Variants in TRPM2 observed in about 807,000 individuals in gnomAD.
The protein encoded by TRPM2 is transient receptor potential cation channel subfamily M member 2, also known as estrogen-responsive element-associated gene 1 protein.
TRPM2 carries 161 observed loss-of-function variants against 174.0 expected under a neutral mutation model. The observed-to-expected ratio is 0.93, with a 90% confidence interval of 0.81 to 1.05. TRPM2 has a LOEUF of 1.05. Among genes scored for constraint, TRPM2 ranks in the 50% least tolerant of loss-of-function variants. The pLI is 0.00. For missense variants in TRPM2, 2,057 were observed against 2,038.0 expected, an observed-to-expected ratio of 1.01 and a Z score of -0.18; for synonymous variants, 954 against 861.3, an observed-to-expected ratio of 1.11 and a Z score of -1.88.
chr21:44,428,020 C>G (rs564162743), intron 27 of TRPM2, among the ~76,000 whole-genome samples: 1 of 152,110 alleles, frequency 6.6e-6, no homozygotes, highest in South Asian at 2.1e-4. Flanking sequence ...CCTGCTCTCA[C>G]GGGTGGCTGC....
At chr21:44,427,675 G>A (rs374075950) in intron 27 of TRPM2, among the ~76,000 whole-genome samples, 8 of 152,164 alleles carry the variant, frequency 5.3e-5, no homozygotes, top group Admixed American at 2.0e-4. Context: ...ACCTGGGACT[G>A]GGGGGTTGCC....
intron 19 of TRPM2, among the ~76,000 whole-genome samples, chr21:44,412,406 A>G (rs2050136825): frequency 6.6e-6 from 1 of 151,704 alleles, no homozygotes; most frequent in South Asian, 2.1e-4. Flanking sequence ...ATTTCCTTTG[A>G]GTTCTTTTTC....
At chr21:44,372,298 G>T (rs1018179581) in intron 5 of TRPM2, among the ~76,000 whole-genome samples, 2 of 152,192 alleles carry the variant, frequency 1.3e-5, no homozygotes, top group Non-Finnish European at 2.9e-5. Context: ...GAGGTCAGGA[G>T]CTTGAGACCA....
Position 44,376,001 on chromosome 21 carries a change from A to G in TRPM2, c.940A>G (p.Lys314Glu). ...GGAGAAGTTCATATCGGAGCAGACC[A>G]AGGAAAGAGGAGGTAGGGGAGCTTG... is the stretch of plus-strand genomic sequence containing the variant. The part of the protein sequence containing the change: ...RLEKFISEQT[K>E]ERGGVAIKIP... The change falls in exon 6 of 32, where the codon AAG becomes GAG. Residue 314 changes from lysine to glutamate, a missense_variant. Coordinates refer to ENST00000397928, the MANE Select transcript of TRPM2 (RefSeq NM_003307.4). The surrounding 1 kb of genome is among the most constrained non-coding windows in gnomAD (Gnocchi z 4.2). 6.2e-7 allele frequency: 1 copy of G among 1,613,402 alleles called. No homozygotes were observed. Among genetic ancestry groups the G allele is most frequent in the Non-Finnish European group, 8.5e-7 (1 of 1,179,458 alleles).
chr21:44,417,389 CG>C (rs1168819738), intron 20 of TRPM2, among the ~76,000 whole-genome samples: 1 of 76,854 alleles, frequency 1.3e-5, no homozygotes, highest in Non-Finnish European at 2.5e-5. Context: ...GGCACGTGGG[CG>C]TGGCTCTGCT....
chr21:44,423,981 G>A (rs1183676305), intron 23 of TRPM2, among the ~76,000 whole-genome samples: 1 of 151,970 alleles, frequency 6.6e-6, no homozygotes, highest in South Asian at 2.1e-4. Context: ...TGTGCTCCTC[G>A]CTGCTCCCAG....
Position 44,379,194 on chromosome 21 carries a change from A to C in TRPM2, c.1212A>C (p.Lys404Asn), listed in dbSNP as rs767036991. The change falls in exon 8 of 32, where the codon AAA becomes AAC. Residue 404 changes from lysine (K) to asparagine (N), a missense_variant. By Grantham distance (94) the Lys-to-Asn change is moderately conservative. Transcript: ENST00000397928. ...FTESRIVEWT[K>N]KIQDIVRRRQ... is the part of the protein sequence containing the mutation. ...AAAGCAGGATTGTCGAGTGGACCAA[A>C]AAGGTGAGGCTGACGGGCACGACGG... 62 of 1,612,544 alleles carry C rather than the reference A, an allele frequency of 3.8e-5. No individual in the cohort carries two copies. The highest frequency in any genetic ancestry group is 5.1e-5 in the Non-Finnish European group (60 of 1,179,982).
At position 44,366,978 on chromosome 21, in the gene TRPM2, T is replaced by A. The variant is rs1602139248; in HGVS notation, c.604+44T>A. The stretch of plus-strand genomic sequence containing the variant: ...GGACACGAGGCCCCGGCGGGTGGGG[T>A]GGGCTGTGGAGGCAGTGCTGGGGCA... On this transcript the variant is annotated intron_variant, in intron 4 of 31. Transcript: ENST00000397928. This position sits in a 1 kb window ranked among gnomAD's most constrained non-coding sequence, Gnocchi z 6.0. 1 of 1,534,446 alleles carries A rather than the reference T, an allele frequency of 6.5e-7. No homozygotes were observed. The highest frequency in any genetic ancestry group is 2.0e-5 in the Admixed American group (1 of 50,770).
Position 44,441,975 on chromosome 21 carries a change from T to G in TRPM2, c.*158T>G, listed in dbSNP as rs2051524627. The G allele has an allele frequency of 2.7e-6, 3 of 1,105,612 alleles. No homozygotes were observed. Among genetic ancestry groups the G allele is most frequent in the Non-Finnish European group, 3.6e-6 (3 of 829,326 alleles). 68.5% of individuals were successfully genotyped at this position (1,105,612 alleles called of 1,614,324 possible). The stretch of plus-strand genomic sequence containing the variant: ...CCCCTCACGGCTGCCGCAAGTCTGC[T>G]GCAGATGACCTCATGAACTGGAAGG... On this transcript the variant is annotated 3_prime_UTR_variant, in exon 32 of 32. Coordinates refer to ENST00000397928, the MANE Select transcript of TRPM2 (RefSeq NM_003307.4).
chr21:44,414,352 C>T (rs1032156880), intron 20 of TRPM2, among the ~76,000 whole-genome samples: 4 of 152,224 alleles, frequency 2.6e-5, no homozygotes, highest in East Asian at 3.9e-4. Flanking sequence ...GCCCTGCTCA[C>T]GGTGCTGCTG....
At chr21:44,404,347 T>G (rs1031681646) in intron 16 of TRPM2, among the ~76,000 whole-genome samples, 3 of 151,412 alleles carry the variant, frequency 2.0e-5, no homozygotes, top group African/African-American at 7.3e-5. Flanking sequence ...CACATACAAA[T>G]ACATGCAGAC....
chr21:44,401,708 C>T lies in TRPM2; in HGVS notation c.2349C>T (p.Thr783=), dbSNP rs139137701. Residue 783 remains threonine, a synonymous_variant, in exon 16 of 32, where the codon ACC becomes ACT. Transcript: ENST00000397928. ...AGAAGAGGCTGCAGGATGTGGGCAC[C>T]CCCGCGGCCCGCGCCCGTGCCTTCT... is the stretch of plus-strand genomic sequence containing the variant. The part of the protein sequence containing the change: ...FREKRLQDVG[T]PAARARAFFT... The T allele has an allele frequency of 3.3e-5, 53 of 1,613,048 alleles. No individual in the cohort carries two copies. The highest frequency in any genetic ancestry group is 3.7e-5 in the Non-Finnish European group (44 of 1,179,886).
At chr21:44,387,921 G>A (rs1210197754) in intron 9 of TRPM2, among the ~76,000 whole-genome samples, 2 of 152,190 alleles carry the variant, frequency 1.3e-5, no homozygotes, top group Non-Finnish European at 2.9e-5. Flanking sequence ...TGGAGAAACT[G>A]GAGCCCTTGT....
rs2049319255 is a variant in TRPM2, at chr21:44,395,475, T to TG, written c.1858dup (p.Asp620GlyfsTer5). The TG allele has an allele frequency of 2.5e-6, 4 of 1,613,050 alleles. No homozygotes were observed. The highest frequency in any genetic ancestry group is 3.4e-6 in the Non-Finnish European group (4 of 1,179,958). On this transcript the variant is annotated frameshift_variant, in exon 12 of 32. Transcript: ENST00000397928. LOFTEE classifies it high-confidence loss of function. ...TCCTCAGGCCATGTGACCTTCACCA[T>TG]GGACCCCATCCGTGACCTTCTCATT...
chr21:44,438,963 C>T lies in TRPM2; in HGVS notation c.4168-104C>T, dbSNP rs1195746531. 6.8e-6 allele frequency: 6 copies of T among 885,156 alleles called. No homozygotes were observed. Among genetic ancestry groups the T allele is most frequent in the Non-Finnish European group, 1.0e-5 (6 of 572,650 alleles). The allele number at this position is 885,156 out of a possible 1,614,324, so 54.8% of individuals were successfully genotyped here. ...CCTGCCTGTGGCTCCCAGGGCTGGGCCGCTGCCCACGCCGGGCAGGAGGCC... is the reference window on the plus strand; with the variant it reads ...CCTGCCTGTGGCTCCCAGGGCTGGGTCGCTGCCCACGCCGGGCAGGAGGCC... On this transcript the variant is annotated intron_variant, in intron 29 of 31. Transcript: ENST00000397928. The surrounding 1 kb of genome is among the most constrained non-coding windows in gnomAD (Gnocchi z 5.9).
At position 44,391,207 on chromosome 21, in the gene TRPM2, T is replaced by G; in HGVS notation, c.1441-65T>G. 6.5e-7 allele frequency: 1 copy of G among 1,549,872 alleles called. No homozygotes were observed. Among genetic ancestry groups the G allele is most frequent in the Non-Finnish European group, 8.8e-7 (1 of 1,137,824 alleles). ...ACAGCAGCCCCCATCTCCAGGGTCT[T>G]TGAGATCAGGATGACATGGGGTGAT... On this transcript the variant is annotated intron_variant, in intron 10 of 31. Coordinates refer to ENST00000397928, the MANE Select transcript of TRPM2 (RefSeq NM_003307.4). The surrounding 1 kb of genome is among the most constrained non-coding windows in gnomAD (Gnocchi z 5.0).
intron 27 of TRPM2, among the ~76,000 whole-genome samples, chr21:44,428,927 C>G (rs929623293): frequency 2.6e-5 from 4 of 152,246 alleles, no homozygotes; most frequent in African/African-American, 9.6e-5. Flanking sequence ...CACTATTTGC[C>G]ACAGCGTTGC....
In TRPM2 at chr21:44,354,038, C is replaced by T. The variant is rs759791065; in HGVS notation, c.165+173C>T. Among the ~76,000 whole-genome samples the T allele has an allele frequency of 6.6e-6, 1 of 152,144 alleles. No homozygotes were observed. Among genetic ancestry groups the T allele is most frequent in the Non-Finnish European group, 1.5e-5 (1 of 68,028 alleles). On this transcript the variant is annotated intron_variant, in intron 1 of 31. Coordinates refer to ENST00000397928, the MANE Select transcript of TRPM2 (RefSeq NM_003307.4). This position sits in a 1 kb window ranked among gnomAD's most constrained non-coding sequence, Gnocchi z 4.3. ...GAACTGGGGAGGGTGATGCGTGTCT[C>T]GTCTTCTGTGGGTTGCATGACCATT...
intron 13 of TRPM2, among the ~76,000 whole-genome samples, chr21:44,398,827 G>C (rs1176869283): frequency 6.6e-6 from 1 of 152,180 alleles, no homozygotes; most frequent in Non-Finnish European, 1.5e-5. Flanking sequence ...CTCTGGCTGC[G>C]TGACTCCTAA....
Sources: allele counts gnomAD v4.1 joint callset (sites outside exome capture counted in the v4.1 genomes callset), GRCh38; gene constraint gnomAD v4.1.1; non-coding constraint Gnocchi (gnomAD v3.1); transcripts MANE v1.5; gene names NCBI Gene and HGNC (gene_info 2026-07-23, HGNC 2026-07-21).